BEST3: variants seen among roughly 807,000 people sequenced by gnomAD.
The protein encoded by BEST3 is bestrophin 3.
A neutral mutation model predicts 47.1 loss-of-function variants in BEST3; 50 were observed. The observed-to-expected ratio is 1.06, with a 90% CI of 0.85 to 1.34. The LOEUF (loss-of-function observed/expected upper bound fraction) is 1.34, where lower values mean the gene tolerates loss of function less well. Among genes scored for constraint, BEST3 ranks in the 40% most tolerant of loss-of-function variants. The probability of loss-of-function intolerance (pLI) is 0.00; values close to 1 mark genes in which losing one functional copy is unlikely to be tolerated. For synonymous variants in BEST3, 282 were observed against 298.8 expected, an observed-to-expected ratio of 0.94 and a Z score of 0.58; for missense variants, 765 against 817.0, an observed-to-expected ratio of 0.94 and a Z score of 0.78.
chr12:69,671,343 TTTC>T, intron 9 of BEST3, 82 bp downstream of exon 9: 28 of 1,205,164 alleles, frequency 2.3e-5, no homozygotes, highest in Non-Finnish European at 3.0e-5. Flanking sequence ...AATTATTTTA[TTTC>T]TTTTTTTTTT....
In BEST3 at chr12:69,655,478, C is replaced by G. The variant is rs1416678852; in HGVS notation, c.1436G>C (p.Ser479Thr). Residue 479 changes from serine to threonine, a missense_variant, in exon 10 of 10, where the codon AGC becomes ACC. Coordinates refer to ENST00000330891, the MANE Select transcript of BEST3 (RefSeq NM_032735.3). ...LSTIRETSQT[S>T]TLQSLTPQSS... ...CTGTGGGGTCAGGCTCTGTAAAGTG[C>G]TTGTCTGGCTGGTCTCCCTGATGGT... 6.2e-7 allele frequency: 1 copy of G among 1,614,128 alleles called. No individual in the cohort carries two copies. Among genetic ancestry groups the G allele is most frequent in the Non-Finnish European group, 8.5e-7 (1 of 1,180,004 alleles).
intron 9 of BEST3, among the ~76,000 whole-genome samples, chr12:69,645,401 G>A (rs1308117285): frequency 6.6e-6 from 1 of 152,212 alleles, no homozygotes; most frequent in Non-Finnish European, 1.5e-5. Flanking sequence ...GGTATGGACA[G>A]CACTTACTGC....
intron 9 of BEST3, among the ~76,000 whole-genome samples, chr12:69,663,411 G>A (rs1249259047): frequency 6.6e-6 from 1 of 152,162 alleles, no homozygotes; most frequent in Non-Finnish European, 1.5e-5. Flanking sequence ...TTACATTAGG[G>A]TTTGGGTATA....
intron 9 of BEST3, among the ~76,000 whole-genome samples, chr12:69,659,056 A>G (rs1883704138): frequency 6.6e-6 from 1 of 151,718 alleles, no homozygotes; most frequent in Admixed American, 6.6e-5. Context: ...AAAACTTTTC[A>G]CTCCTTTAGT....
chr12:69,666,504 T>C (rs563277552), intron 9 of BEST3, among the ~76,000 whole-genome samples: 1 of 152,336 alleles, frequency 6.6e-6, no homozygotes, highest in South Asian at 2.1e-4. Flanking sequence ...TTTGGAAACT[T>C]TGTACCTTTG....
rs140199043 is a variant in BEST3 at position 69,646,079 on chromosome 12, G to T, written c.1101-2292C>A. Reference sequence around the variant, plus strand: ...AGCCTCTCGAGTAGCTGGGATTACAGGTGCCTGCCACCATGCTCAGCTAAT... The same window carrying T: ...AGCCTCTCGAGTAGCTGGGATTACATGTGCCTGCCACCATGCTCAGCTAAT... On this transcript the variant is annotated intron_variant, in intron 9 of 9. Coordinates refer to the BEST3 transcript ENST00000331471. Among the ~76,000 whole-genome samples the T allele has an allele frequency of 2.4e-4, 36 of 152,282 alleles. 1 individual carries two copies. In the East Asian group the frequency reaches 6.6e-3, roughly 28 times the overall value.
In BEST3 at chr12:69,655,098, G is replaced by T. The variant is rs1883375741; in HGVS notation, c.1816C>A (p.Leu606Ile). The change falls in exon 10 of 10, where the codon CTA becomes ATA. Residue 606 changes from leucine (L) to isoleucine (I), a missense_variant. Transcript: ENST00000330891. ...TGAGAGCTCATGGGGTCTGGACTTAGGTTTCCCAGGGAAGTGTGGCTGGAC... is the reference window on the plus strand; with the variant it reads ...TGAGAGCTCATGGGGTCTGGACTTATGTTTCCCAGGGAAGTGTGGCTGGAC... Reference protein sequence around the residue: ...LGSSHTSLGNLSPDPMSSQPA... With the variant: ...LGSSHTSLGNISPDPMSSQPA... 2 of 1,614,152 alleles carry T rather than the reference G, an allele frequency of 1.2e-6. No individual in the cohort carries two copies. The highest frequency in any genetic ancestry group is 4.5e-5 in the East Asian group (2 of 44,864).
At chr12:69,672,140 C>T (rs1195604944) in intron 8 of BEST3, among the ~76,000 whole-genome samples, 1 of 152,156 alleles carries the variant, frequency 6.6e-6, no homozygotes, top group Non-Finnish European at 1.5e-5. Flanking sequence ...ATTATTAATC[C>T]TCTGGGATTC....
At chr12:69,666,417 A>C (rs1382736251) in intron 9 of BEST3, among the ~76,000 whole-genome samples, 1 of 152,202 alleles carries the variant, frequency 6.6e-6, no homozygotes, top group East Asian at 1.9e-4. Flanking sequence ...ACTATGGTTT[A>C]ATTTCTACCC....
At chr12:69,657,075 CAA>C (rs1883549086) in intron 9 of BEST3, among the ~76,000 whole-genome samples, 1 of 152,066 alleles carries the variant, frequency 6.6e-6, no homozygotes, top group Admixed American at 6.6e-5. Context: ...AAAAATAAAA[CAA>C]ATAATTCTAC....
intron 8 of BEST3, among the ~76,000 whole-genome samples, chr12:69,672,408 C>T (rs1884634950): frequency 6.6e-6 from 1 of 152,220 alleles, no homozygotes; most frequent in South Asian, 2.1e-4. Context: ...CCATTTAGTG[C>T]ATTTCATGCA....
At chr12:69,663,878 G>A (rs2135937907) in intron 9 of BEST3, among the ~76,000 whole-genome samples, 1 of 152,268 alleles carries the variant, frequency 6.6e-6, no homozygotes, top group East Asian at 1.9e-4. Context: ...CAGCAGATTA[G>A]AAAGGATTCC....
rs145681086 is a variant in BEST3, at chr12:69,697,246, T to C, written c.152+401A>G. Among the ~76,000 whole-genome samples the C allele has an allele frequency of 2.9e-3, 441 of 152,282 alleles. 3 individuals are homozygous for C. The highest frequency in any genetic ancestry group is 0.01 in the African/African-American group (417 of 41,548). On this transcript the variant is annotated intron_variant, in intron 2 of 9. Coordinates refer to ENST00000330891, the MANE Select transcript of BEST3 (RefSeq NM_032735.3). Reference sequence around the variant, plus strand: ...ACACCAATCATGAACATGTTGATTATATAGGTAGTTGCTACAAGCTGTCAA... The same window carrying C: ...ACACCAATCATGAACATGTTGATTACATAGGTAGTTGCTACAAGCTGTCAA...
Position 69,655,623 on chromosome 12 carries a change from G to T in BEST3, c.1291C>A (p.Pro431Thr), listed in dbSNP as rs755080649. Residue 431 changes from proline to threonine, a missense_variant, in exon 10 of 10, where the codon CCA becomes ACA. Pro to Thr is a conservative substitution (Grantham distance 38). Coordinates refer to ENST00000330891, the MANE Select transcript of BEST3 (RefSeq NM_032735.3). ...SMFLPRDDLS[P>T]ARDLLDVPSR... ...GGCACATCCAGTAGGTCCCTGGCTG[G>T]GCTGAGGTCATCTCGGGGTAAGAAC... 1.4e-5 allele frequency: 23 copies of T among 1,613,896 alleles called. No homozygotes were observed. The highest frequency in any genetic ancestry group is 1.9e-5 in the Non-Finnish European group (22 of 1,180,022).
chr12:69,661,901 G>C (rs1883897265), intron 9 of BEST3, among the ~76,000 whole-genome samples: 1 of 152,176 alleles, frequency 6.6e-6, no homozygotes. Flanking sequence ...TGCCTTTAAA[G>C]AGGCTTATCT....
intron 4 of BEST3, chr12:69,689,036 C>T (rs1442332669): frequency 2.1e-6 from 2 of 961,794 alleles, no homozygotes; most frequent in Non-Finnish European, 1.2e-6. Flanking sequence ...TAACCTTGTC[C>T]CCACCCCTTT....
intron 2 of BEST3, among the ~76,000 whole-genome samples, chr12:69,697,032 G>A (rs572673888): frequency 3.1e-4 from 47 of 152,250 alleles, no homozygotes; most frequent in African/African-American, 1.1e-3. Flanking sequence ...ACAGGCATAT[G>A]TTGTAATGTT....
intron 2 of BEST3, 89 bp downstream of exon 2, chr12:69,697,558 G>A (rs975837377): frequency 1.0e-5 from 11 of 1,097,304 alleles, no homozygotes; most frequent in Non-Finnish European, 1.4e-5. Flanking sequence ...ATAATGCGAA[G>A]TCAGTGGCAA....
Position 69,655,525 on chromosome 12 carries a change from G to A in BEST3, c.1389C>T (p.His463=). 1 of 1,614,140 alleles carries A rather than the reference G, an allele frequency of 6.2e-7. No homozygotes were observed. Among genetic ancestry groups the A allele is most frequent in the Non-Finnish European group, 8.5e-7 (1 of 1,180,008 alleles). Residue 463 remains histidine (H), a synonymous_variant, in exon 10 of 10, where the codon CAC becomes CAT. Coordinates refer to ENST00000330891, the MANE Select transcript of BEST3 (RefSeq NM_032735.3). The part of the protein sequence containing the change: ...SCFPEGSPTL[H]FSMGELSTIR... ...TGGTGGACAGCTCTCCCATGCTGAA[G>A]TGCAGCGTGGGGCTTCCTTCTGGGA...
Sources: allele counts gnomAD v4.1 joint callset (sites outside exome capture counted in the v4.1 genomes callset), GRCh38; gene constraint gnomAD v4.1.1; transcripts MANE v1.5; gene names NCBI Gene and HGNC (gene_info 2026-07-23, HGNC 2026-07-21).